Variants in ACSM5 observed in about 807,000 individuals in gnomAD.
The protein encoded by ACSM5 is acyl-coenzyme A synthetase ACSM5, mitochondrial.
ACSM5 carries 56 observed loss-of-function variants against 71.6 expected under a neutral mutation model. That is an observed-to-expected ratio of 0.78 (90% confidence interval 0.63 to 0.98). The LOEUF is 0.98. Ranked by LOEUF, ACSM5 falls within the 50% of genes least tolerant of loss-of-function variation. ACSM5 has a pLI of 0.00. For missense variants in ACSM5, 723 were observed against 726.0 expected (o/e 1.00, Z 0.05); for synonymous variants, 285 against 281.5 (o/e 1.01, Z -0.12).
intron 10 of ACSM5, among the ~76,000 whole-genome samples, chr16:20,433,123 A>G (rs1967134439): frequency 6.6e-6 from 1 of 152,148 alleles, no homozygotes; most frequent in Non-Finnish European, 1.5e-5. Context: ...CAACTCCCAA[A>G]GTGCTGGGAT....
At chr16:20,421,940 A>G (rs1316227421) in intron 5 of ACSM5, among the ~76,000 whole-genome samples, 1 of 151,822 alleles carries the variant, frequency 6.6e-6, no homozygotes, top group Non-Finnish European at 1.5e-5. Flanking sequence ...TATTTCGTGT[A>G]ACTGGCATCA....
intron 1 of ACSM5, among the ~76,000 whole-genome samples, chr16:20,410,794 C>T (rs1363385645): frequency 6.6e-6 from 1 of 151,806 alleles, no homozygotes; most frequent in Non-Finnish European, 1.5e-5. Context: ...ACACTAAAAG[C>T]CCATCATGCC....
intron 6 of ACSM5, among the ~76,000 whole-genome samples, chr16:20,427,406 G>A (rs564129250): frequency 1.3e-5 from 2 of 152,244 alleles, no homozygotes; most frequent in Non-Finnish European, 2.9e-5. Context: ...GTGTGCACCT[G>A]TCCGTAGGAT....
intron 2 of ACSM5, among the ~76,000 whole-genome samples, chr16:20,413,368 C>T (rs1159540521): frequency 6.6e-6 from 1 of 152,142 alleles, no homozygotes; most frequent in African/African-American, 2.4e-5. Flanking sequence ...GGAGTTTTTT[C>T]AAAGCTTCAC....
chr16:20,410,864 T>G (rs550754392), intron 1 of ACSM5, among the ~76,000 whole-genome samples: 2 of 152,204 alleles, frequency 1.3e-5, no homozygotes, highest in Non-Finnish European at 2.9e-5. Context: ...AATTGACATG[T>G]GTTTGTAAGG....
chr16:20,421,860 C>T (rs1041521782), intron 5 of ACSM5, among the ~76,000 whole-genome samples: 1 of 151,424 alleles, frequency 6.6e-6, no homozygotes, highest in African/African-American at 2.4e-5. Context: ...AATAACACCC[C>T]ATTACCCTCT....
intron 1 of ACSM5, among the ~76,000 whole-genome samples, chr16:20,410,241 GTTA>G (rs1966845025): frequency 6.6e-6 from 1 of 152,048 alleles, no homozygotes; most frequent in Non-Finnish European, 1.5e-5. Context: ...ACCATATTTT[GTTA>G]TTATTATTAC....
chr16:20,427,023 CCGGG>C (rs758484749), intron 6 of ACSM5, among the ~76,000 whole-genome samples: 3,683 of 147,376 alleles, frequency 0.025, 27 homozygotes, highest in East Asian at 0.069. Context: ...TCACTGGTGG[CCGGG>C]CACAGTGGTT....
At chr16:20,418,675 T>C (rs565193636) in intron 3 of ACSM5, among the ~76,000 whole-genome samples, 1 of 152,178 alleles carries the variant, frequency 6.6e-6, no homozygotes, top group Non-Finnish European at 1.5e-5. Context: ...TTTTAAAAAG[T>C]CCTGACTGGG....
chr16:20,415,481 C>T (rs9939314), intron 2 of ACSM5, among the ~76,000 whole-genome samples: 2,631 of 152,308 alleles, frequency 0.017, 80 homozygotes, highest in African/African-American at 0.059. Context: ...CTGAGACATA[C>T]ATGAGAGAAC....
intron 2 of ACSM5, among the ~76,000 whole-genome samples, chr16:20,416,772 A>G (rs1197911498): frequency 2.0e-5 from 3 of 152,204 alleles, no homozygotes; most frequent in Non-Finnish European, 4.4e-5. Flanking sequence ...CTCACAGAAT[A>G]GGAGAAAATA....
intron 5 of ACSM5, among the ~76,000 whole-genome samples, chr16:20,422,645 C>G (rs532850968): frequency 6.6e-6 from 1 of 152,192 alleles, no homozygotes; most frequent in South Asian, 2.1e-4. Flanking sequence ...GTGACATAAT[C>G]TAATATGTTT....
At chr16:20,435,620 C>T (rs759340372) in intron 10 of ACSM5, among the ~76,000 whole-genome samples, 3 of 152,190 alleles carry the variant, frequency 2.0e-5, no homozygotes, top group Non-Finnish European at 2.9e-5. Flanking sequence ...AGGCAATCCT[C>T]TCCACTCCAG....
chr16:20,415,182 A>C (rs1966854100), intron 2 of ACSM5, among the ~76,000 whole-genome samples: 1 of 152,240 alleles, frequency 6.6e-6, no homozygotes, highest in South Asian at 2.1e-4. Flanking sequence ...TTAAGCAAAA[A>C]TAGAGCCAGA....
At chr16:20,414,754 A>G (rs1443426642) in intron 2 of ACSM5, among the ~76,000 whole-genome samples, 5 of 152,198 alleles carry the variant, frequency 3.3e-5, no homozygotes, top group African/African-American at 1.2e-4. Context: ...TTTGAGGAGC[A>G]CGGAAAAAAG....
At position 20,424,089 on chromosome 16, in the gene ACSM5, A is replaced by G. The variant is rs371497141; in HGVS notation, c.921+20A>G. ...CTGAATGTAAGAGGAAAAACCAACA[A>G]TACCCCATATGTGTTGGGTACAAAT... On this transcript the variant is annotated intron_variant, in intron 6 of 13. Coordinates refer to ENST00000331849, the MANE Select transcript of ACSM5 (RefSeq NM_017888.3). The G allele has an allele frequency of 6.1e-5, 98 of 1,613,220 alleles. No homozygotes were observed. In the African/African-American group the frequency reaches 1.2e-3, roughly 19 times the overall value.
At chr16:20,425,477 T>A (rs1966961429) in intron 6 of ACSM5, among the ~76,000 whole-genome samples, 1 of 152,198 alleles carries the variant, frequency 6.6e-6, no homozygotes, top group Non-Finnish European at 1.5e-5. Context: ...TGGTGTTTGA[T>A]TACATGAGTA....
chr16:20,427,698 T>C, intron 6 of ACSM5, 90 bp from the exon 7 acceptor site: 1 of 875,128 alleles, frequency 1.1e-6, no homozygotes, highest in Middle Eastern at 2.2e-4. Flanking sequence ...TCTGCTTTGG[T>C]ACTGAGACTA....
intron 1 of ACSM5, among the ~76,000 whole-genome samples, chr16:20,410,277 A>G (rs1966845083): frequency 6.6e-6 from 1 of 152,160 alleles, no homozygotes; most frequent in South Asian, 2.1e-4. Context: ...AATGCAAGGA[A>G]ACTGAAACTG....
Sources: gnomAD v4.1 joint callset for allele counts (sites outside exome capture counted in the v4.1 genomes callset) on GRCh38, gnomAD v4.1.1 for gene constraint, MANE v1.5 for transcripts, NCBI Gene and HGNC (gene_info 2026-07-23, HGNC 2026-07-21) for gene names.